The following ASTN2 variants were observed in gnomAD, a reference collection of about 807,000 sequenced individuals.
ASTN2 encodes astrotactin 2, also known as astrotactin-2.
A neutral mutation model predicts 139.8 loss-of-function variants in ASTN2; 54 were observed. The ratio of observed to expected loss-of-function variants is 0.39; its 90% CI spans 0.31 to 0.48. The LOEUF (loss-of-function observed/expected upper bound fraction) is 0.48, where lower values mean the gene tolerates loss of function less well. Ranked by LOEUF, ASTN2 falls within the 20% of genes least tolerant of loss-of-function variation. The pLI is 0.95. For synonymous variants in ASTN2, 756 were observed against 719.5 expected, an observed-to-expected ratio of 1.05 and a Z score of -0.81; for missense variants, 1,565 against 1,725.1, an observed-to-expected ratio of 0.91 and a Z score of 1.64.
chr9:116,458,726 A>G (rs1234376845), intron 20 of ASTN2, among the ~76,000 whole-genome samples: 3 of 151,986 alleles, frequency 2.0e-5, no homozygotes, highest in Non-Finnish European at 4.4e-5. Flanking sequence ...CTTGAACACT[A>G]AAAACTACAG....
chr9:116,595,052 T>A (rs1405323569), intron 19 of ASTN2, among the ~76,000 whole-genome samples: 1 of 152,208 alleles, frequency 6.6e-6, no homozygotes, highest in African/African-American at 2.4e-5. Flanking sequence ...GAGAAAGAAT[T>A]AGGTTCAAGT....
At chr9:117,347,456 C>T (rs1829254944) in intron 1 of ASTN2, among the ~76,000 whole-genome samples, 1 of 151,850 alleles carries the variant, frequency 6.6e-6, no homozygotes, top group African/African-American at 2.4e-5. Flanking sequence ...AGTCTCCTCA[C>T]GTTCTCACAA....
intron 16 of ASTN2, among the ~76,000 whole-genome samples, chr9:116,702,727 C>T (rs1374110740): frequency 6.6e-6 from 1 of 152,134 alleles, no homozygotes; most frequent in Non-Finnish European, 1.5e-5. Context: ...TAGTGGCAAA[C>T]AATTGACTTA....
chr9:116,897,264 C>T (rs1205213642), intron 10 of ASTN2, among the ~76,000 whole-genome samples: 5 of 152,202 alleles, frequency 3.3e-5, no homozygotes, highest in Admixed American at 3.3e-4. Context: ...AAGCTCTGTG[C>T]TCTGTGACGA....
At chr9:117,102,401 CAGTT>C (rs1158882702) in intron 4 of ASTN2, among the ~76,000 whole-genome samples, 2 of 152,118 alleles carry the variant, frequency 1.3e-5, no homozygotes, top group African/African-American at 2.4e-5. Flanking sequence ...TGAGGGGTAA[CAGTT>C]AATAACTATT....
chr9:116,506,338 C>G (rs1476602717), intron 19 of ASTN2, among the ~76,000 whole-genome samples: 2 of 152,168 alleles, frequency 1.3e-5, no homozygotes, highest in African/African-American at 4.8e-5. Context: ...GTGGGACTAG[C>G]AAACTGAGCT....
At chr9:116,874,465 A>G (rs1328274776) in intron 10 of ASTN2, among the ~76,000 whole-genome samples, 2 of 152,204 alleles carry the variant, frequency 1.3e-5, no homozygotes, top group African/African-American at 4.8e-5. Flanking sequence ...GAAGGGCACA[A>G]TAAGGCCCAT....
intron 16 of ASTN2, among the ~76,000 whole-genome samples, chr9:116,711,641 GCTC>G (rs1828166075): frequency 6.6e-6 from 1 of 152,040 alleles, no homozygotes; most frequent in Non-Finnish European, 1.5e-5. Context: ...CATACCTGCT[GCTC>G]CTTTTTTATT....
chr9:116,952,546 G>C (rs1835591604), intron 10 of ASTN2, among the ~76,000 whole-genome samples: 1 of 152,238 alleles, frequency 6.6e-6, no homozygotes, highest in Admixed American at 6.5e-5. Flanking sequence ...GATGTGATGA[G>C]AGGCACAGGC....
chr9:117,201,504 C>T (rs10759909), intron 3 of ASTN2, among the ~76,000 whole-genome samples: 63,059 of 151,888 alleles, frequency 0.42, 14,142 homozygotes, highest in Middle Eastern at 0.55. Flanking sequence ...CTTAACACTG[C>T]TTTAGCTGTG....
chr9:117,216,109 T>A (rs1832311260), intron 2 of ASTN2, among the ~76,000 whole-genome samples: 1 of 152,234 alleles, frequency 6.6e-6, no homozygotes, highest in Non-Finnish European at 1.5e-5. Context: ...CTGTACAGCA[T>A]CTAACAAAGA....
At chr9:116,840,858 A>T (rs947656593) in intron 11 of ASTN2, among the ~76,000 whole-genome samples, 1 of 147,094 alleles carries the variant, frequency 6.8e-6, no homozygotes, top group Admixed American at 6.7e-5. Context: ...CCTAGATGGG[A>T]TGGCGGCCGG....
intron 2 of ASTN2, among the ~76,000 whole-genome samples, chr9:117,274,265 G>A (rs181675632): frequency 6.6e-6 from 1 of 152,238 alleles, no homozygotes; most frequent in East Asian, 1.9e-4. Flanking sequence ...CAGGAGAATC[G>A]CCTGACTCTG....
intron 5 of ASTN2, among the ~76,000 whole-genome samples, chr9:117,050,089 GC>G (rs779171704): frequency 6.6e-6 from 1 of 152,000 alleles, no homozygotes; most frequent in Non-Finnish European, 1.5e-5. Context: ...ACCCATATTA[GC>G]CCTGTTAGTC....
intron 4 of ASTN2, among the ~76,000 whole-genome samples, chr9:117,100,908 T>C (rs1277835049): frequency 6.6e-6 from 1 of 152,196 alleles, no homozygotes; most frequent in Non-Finnish European, 1.5e-5. Context: ...AATTAAGTTA[T>C]TGGAGTCAGA....
intron 2 of ASTN2, among the ~76,000 whole-genome samples, chr9:117,256,404 C>T (rs1833688062): frequency 6.6e-6 from 1 of 152,168 alleles, no homozygotes; most frequent in Non-Finnish European, 1.5e-5. Flanking sequence ...TTTACTATAT[C>T]TCACACATAT....
intron 1 of ASTN2, among the ~76,000 whole-genome samples, chr9:117,365,390 T>C (rs2130903677): frequency 6.6e-6 from 1 of 152,168 alleles, no homozygotes; most frequent in African/African-American, 2.4e-5. Context: ...ATGCTTCAAT[T>C]ACAACTTCCA....
intron 16 of ASTN2, among the ~76,000 whole-genome samples, chr9:116,682,874 T>G (rs1235741802): frequency 1.3e-5 from 2 of 151,748 alleles, no homozygotes; most frequent in Non-Finnish European, 2.9e-5. Flanking sequence ...TGGGGACTGT[T>G]GTGGGGTGGA....
chr9:116,908,242 T>C (rs1056844213), intron 10 of ASTN2, among the ~76,000 whole-genome samples: 1 of 152,148 alleles, frequency 6.6e-6, no homozygotes. Context: ...AAATAGACTT[T>C]AGGGTTTATC....
Sources: gnomAD v4.1 joint callset for allele counts (sites outside exome capture counted in the v4.1 genomes callset) on GRCh38, gnomAD v4.1.1 for gene constraint, MANE v1.5 for transcripts, NCBI Gene and HGNC (gene_info 2026-07-23, HGNC 2026-07-21) for gene names.